AKR1C4: variants seen among roughly 807,000 people sequenced by gnomAD.
AKR1C4 encodes aldo-keto reductase family 1 member C4, also known as 3-alpha-HSD1.
In AKR1C4, 44 loss-of-function variants were observed where a neutral mutation model predicts 41.0. That is an observed-to-expected ratio of 1.07 (90% confidence interval 0.84 to 1.38). The LOEUF (loss-of-function observed/expected upper bound fraction) is 1.38. Ranked by LOEUF, AKR1C4 falls within the 40% of genes most tolerant of loss-of-function variation. The pLI, the probability that AKR1C4 is intolerant of heterozygous loss-of-function variation, is 0.00. For missense variants in AKR1C4, 438 were observed against 387.9 expected (o/e 1.13, Z -1.09); for synonymous variants, 165 against 137.7 (o/e 1.20, Z -1.39).
Position 5,198,753 on chromosome 10 carries a change from T to TC in AKR1C4, c.85-1425dup, listed in dbSNP as rs536062476. ...TGTATGCAGTGACTCATGCCTGTAA[T>TC]CCCAGAACTTTGGTAGGCCAAGGCA... On this transcript the variant is annotated intron_variant, in intron 1 of 8. Coordinates refer to ENST00000263126, the MANE Select transcript of AKR1C4 (RefSeq NM_001818.5). Among the ~76,000 whole-genome samples the TC allele has an allele frequency of 1.1e-4, 16 of 152,324 alleles. 1 individual carries two copies. The East Asian group carries it at 2.7e-3, about 26-fold the overall frequency.
At chr10:5,202,939 T>TTGTGTGTGTGTGTGTGTGTG (rs57414547) in intron 2 of AKR1C4, among the ~76,000 whole-genome samples, 2 of 139,190 alleles carry the variant, frequency 1.4e-5, no homozygotes, top group East Asian at 2.1e-4. Flanking sequence ...TAGTTTTCTT[T>TTGTGTGTGTGTGTGTGTGTG]TGTGTGTGTG....
chr10:5,205,395 T>C (rs1564401724), intron 3 of AKR1C4, among the ~76,000 whole-genome samples: 1 of 152,238 alleles, frequency 6.6e-6, no homozygotes, highest in Non-Finnish European at 1.5e-5. Context: ...ACTCTTATTG[T>C]ATCACCTGGA....
intron 5 of AKR1C4, among the ~76,000 whole-genome samples, chr10:5,211,480 A>G (rs1832574880): frequency 6.7e-6 from 1 of 148,532 alleles, no homozygotes; most frequent in South Asian, 2.1e-4. Context: ...CAAAATGTCA[A>G]TTTCTGCTAA....
chr10:5,213,883 G>A (rs1035157356), intron 7 of AKR1C4, among the ~76,000 whole-genome samples: 18 of 151,942 alleles, frequency 1.2e-4, no homozygotes, highest in African/African-American at 2.9e-4. Flanking sequence ...AAATGTACCC[G>A]TATTTTGATT....
Position 5,205,748 on chromosome 10 carries a change from CT to C in AKR1C4, c.370-8del. 1 of 1,612,082 alleles carries C rather than the reference CT, an allele frequency of 6.2e-7. No individual in the cohort carries two copies. On this transcript the variant is annotated splice_polypyrimidine_tract_variant and splice_region_variant and intron_variant, in intron 3 of 8. Coordinates refer to ENST00000263126, the MANE Select transcript of AKR1C4 (RefSeq NM_001818.5). Reference sequence around the variant, plus strand: ...AATGGTGACACTAAAGTGACTGCTTCTACTTCAGCCAGGTGAGACGCCACTA... The same window carrying C: ...AATGGTGACACTAAAGTGACTGCTTCACTTCAGCCAGGTGAGACGCCACTA...
intron 5 of AKR1C4, among the ~76,000 whole-genome samples, chr10:5,208,016 A>G (rs78274239): frequency 0.05 from 7,363 of 147,484 alleles, 515 homozygotes; most frequent in African/African-American, 0.13. Context: ...TAACCAGAAC[A>G]CAATTGTGGA....
rs1472501310 is a variant in AKR1C4 at position 5,206,132 on chromosome 10, T to C, written c.448-143T>C. ...TCTTGCTGTCACTATCCTTTTGTTA[T>C]CTGTTGTAATTTTTTCTCTTGAGAA... On this transcript the variant is annotated intron_variant, in intron 4 of 8. Coordinates refer to ENST00000263126, the MANE Select transcript of AKR1C4 (RefSeq NM_001818.5). 2.1e-6 allele frequency: 3 copies of C among 1,407,674 alleles called. No homozygotes were observed. In the African/African-American group the frequency reaches 4.3e-5, roughly 20 times the overall value. The allele number at this position is 1,407,674 out of a possible 1,614,324, so 87.2% of individuals were successfully genotyped here.
chr10:5,205,658 C>T (rs1365021433), intron 3 of AKR1C4, 99 bp from the exon 4 acceptor site: 3 of 1,005,336 alleles, frequency 3.0e-6, no homozygotes, highest in African/African-American at 1.6e-5. Flanking sequence ...CATTTCAGCA[C>T]CTACCTCACG....
At chr10:5,214,915 CTATT>C (rs1832634135) in intron 7 of AKR1C4, among the ~76,000 whole-genome samples, 1 of 152,078 alleles carries the variant, frequency 6.6e-6, no homozygotes, top group Non-Finnish European at 1.5e-5. Context: ...CTTCAAGAAA[CTATT>C]TGTGTTCTTT....
intron 7 of AKR1C4, 48 bp downstream of exon 7, chr10:5,213,207 C>G: frequency 6.2e-7 from 1 of 1,601,416 alleles, no homozygotes; most frequent in Non-Finnish European, 8.5e-7. Context: ...GTCCTTCACA[C>G]GTGTGCTTCT....
intron 8 of AKR1C4, among the ~76,000 whole-genome samples, chr10:5,217,027 G>A (rs1588344856): frequency 6.6e-6 from 1 of 152,204 alleles, no homozygotes; most frequent in Non-Finnish European, 1.5e-5. Context: ...TGACTCCATG[G>A]AAATTTCCAG....
intron 7 of AKR1C4, among the ~76,000 whole-genome samples, chr10:5,215,083 T>G (rs1205948093): frequency 1.3e-5 from 2 of 152,218 alleles, no homozygotes; most frequent in Non-Finnish European, 2.9e-5. Context: ...TGTATAATGC[T>G]GCAGACAAAG....
chr10:5,205,591 A>C (rs1168585047), intron 3 of AKR1C4, among the ~76,000 whole-genome samples, 166 bp from the exon 4 acceptor site: 1 of 152,208 alleles, frequency 6.6e-6, no homozygotes. Flanking sequence ...CCTGTCTCCT[A>C]AAGACATTCC....
rs1391802626 is a variant in AKR1C4 at position 5,204,750 on chromosome 10, T to C, written c.369+257T>C. ...ATAACAACAGCCACCTTCAAGGCTC[T>C]GTCTTAATTAGGGTTCCTGAGTCCA... On this transcript the variant is annotated intron_variant, in intron 3 of 8. Transcript: ENST00000263126. 5.4e-6 allele frequency: 3 copies of C among 555,922 alleles called. No individual in the cohort carries two copies. The African/African-American group carries it at 5.6e-5, about 10-fold the overall frequency. The allele number at this position is 555,922 out of a possible 1,614,324, so 34.4% of individuals were successfully genotyped here. A position where few individuals can be genotyped will look rare whatever the true frequency, so the allele number is the denominator to read the frequency against.
chr10:5,203,447 T>C (rs1477626794), intron 2 of AKR1C4, among the ~76,000 whole-genome samples: 2 of 152,172 alleles, frequency 1.3e-5, no homozygotes, highest in South Asian at 2.1e-4. Context: ...ACTTTATTTC[T>C]CACCTCTCCC....
chr10:5,205,955 A>G, intron 4 of AKR1C4, 121 bp downstream of exon 4: 2 of 1,138,512 alleles, frequency 1.8e-6, no homozygotes, highest in Non-Finnish European at 2.5e-6. Context: ...GAGCTTGACA[A>G]AGGAAGTTTT....
At position 5,205,806 on chromosome 10, in the gene AKR1C4, A is replaced by G. The variant is rs782629817; in HGVS notation, c.419A>G (p.Asp140Gly). The G allele has an allele frequency of 9.3e-6, 15 of 1,613,590 alleles. No homozygotes were observed. The South Asian group carries it at 1.6e-4, about 18-fold the overall frequency. Reference protein sequence around the residue: ...PKDENGKVIFDTVDLSATWEV... With the variant: ...PKDENGKVIFGTVDLSATWEV... ...GATGAAAATGGAAAAGTAATATTCGACACAGTGGATCTCTCTGCCACATGG... is the reference window on the plus strand; with the variant it reads ...GATGAAAATGGAAAAGTAATATTCGGCACAGTGGATCTCTCTGCCACATGG... The change falls in exon 4 of 9, where the codon GAC (aspartate) becomes GGC (glycine). Residue 140 changes from aspartate to glycine, a missense_variant. Asp to Gly is a moderately conservative substitution (Grantham distance 94). Transcript: ENST00000263126.
chr10:5,200,092 CACACCCTGTGAGG>C, intron 1 of AKR1C4, 76 bp from the exon 2 acceptor site: 2 of 1,521,404 alleles, frequency 1.3e-6, no homozygotes, highest in Non-Finnish European at 1.8e-6. Flanking sequence ...ACCCCCACTG[CACACCCTGTGAGG>C]ACAAGGGAAC....
intron 2 of AKR1C4, 85 bp downstream of exon 2, chr10:5,200,433 G>T (rs149893187): frequency 1.3e-5 from 20 of 1,510,238 alleles, no homozygotes; most frequent in Non-Finnish European, 1.7e-5. Flanking sequence ...TTCAGTAGTT[G>T]TGGGTGAATT....
Sources: allele counts gnomAD v4.1 joint callset (sites outside exome capture counted in the v4.1 genomes callset), GRCh38; gene constraint gnomAD v4.1.1; transcripts MANE v1.5; gene names NCBI Gene and HGNC (gene_info 2026-07-23, HGNC 2026-07-21).